Variants in SCAPER observed in about 807,000 individuals in gnomAD.
SCAPER encodes S phase cyclin A-associated protein in the endoplasmic reticulum.
In SCAPER, 98 loss-of-function variants were observed where a neutral mutation model predicts 182.2. The ratio of observed to expected loss-of-function variants is 0.54; its 90% confidence interval spans 0.46 to 0.64. The LOEUF is 0.64. Ranked by LOEUF, SCAPER falls within the 30% of genes least tolerant of loss-of-function variation. The probability of loss-of-function intolerance (pLI) is 0.00; values close to 1 mark genes in which losing one functional copy is unlikely to be tolerated. For missense variants in SCAPER, 1,432 were observed against 1,690.0 expected (o/e 0.85, Z 2.68); for synonymous variants, 605 against 564.6 (o/e 1.07, Z -1.01).
Position 76,593,068 on chromosome 15 carries a change from C to A in SCAPER, c.2712-18784G>T. 1.6e-5 allele frequency among the ~76,000 whole-genome samples: 2 copies of A among 121,242 alleles called. 1 individual carries two copies. Among genetic ancestry groups the A allele is most frequent in the Non-Finnish European group, 4.0e-5 (2 of 49,876 alleles). 79.5% of individuals were successfully genotyped at this position (121,242 alleles called of 152,430 possible). A position where few individuals can be genotyped will look rare whatever the true frequency, so the allele number is the denominator to read the frequency against. On this transcript the variant is annotated intron_variant, in intron 22 of 31. Coordinates refer to ENST00000563290, the MANE Select transcript of SCAPER (RefSeq NM_020843.4). ...ACAGAGGCCAGCAAGCTAATATCCA[C>A]TGGCTTGAAATTCTTGCTGCCAGCA...
At chr15:76,658,394 T>A (rs747520984) in intron 21 of SCAPER, among the ~76,000 whole-genome samples, 30 of 152,066 alleles carry the variant, frequency 2.0e-4, no homozygotes, top group Non-Finnish European at 3.5e-4. Flanking sequence ...TACAAAACAC[T>A]GCTCAAAGAA....
intron 23 of SCAPER, among the ~76,000 whole-genome samples, chr15:76,505,909 A>C (rs2041534564): frequency 6.6e-6 from 1 of 152,218 alleles, no homozygotes; most frequent in Non-Finnish European, 1.5e-5. Context: ...AGTACTATTC[A>C]GCCATAAAAA....
At chr15:76,441,278 C>T (rs570249124) in intron 25 of SCAPER, among the ~76,000 whole-genome samples, 29 of 152,196 alleles carry the variant, frequency 1.9e-4, no homozygotes, top group African/African-American at 6.7e-4. Context: ...GAAGACACTG[C>T]AATTAATCCT....
At chr15:76,692,145 T>C (rs1016419687) in intron 20 of SCAPER, among the ~76,000 whole-genome samples, 6 of 152,164 alleles carry the variant, frequency 3.9e-5, no homozygotes, top group Admixed American at 3.9e-4. Context: ...AAAATCAGCA[T>C]AGATACAGAA....
intron 17 of SCAPER, among the ~76,000 whole-genome samples, chr15:76,707,487 T>C (rs889120330): frequency 2.0e-5 from 3 of 152,086 alleles, no homozygotes; most frequent in African/African-American, 4.8e-5. Context: ...CAGAGACAAT[T>C]TGACATTAAT....
chr15:76,435,467 TTC>T (rs1366085990), intron 25 of SCAPER, among the ~76,000 whole-genome samples: 1 of 152,216 alleles, frequency 6.6e-6, no homozygotes, highest in Non-Finnish European at 1.5e-5. Context: ...TGATTCCTGA[TTC>T]TTTTTCCTTC....
chr15:76,377,148 T>C (rs1044178882), intron 28 of SCAPER, among the ~76,000 whole-genome samples: 3 of 152,190 alleles, frequency 2.0e-5, no homozygotes, highest in African/African-American at 7.2e-5. Context: ...TTTGAGGTCT[T>C]AGTGGGCTTG....
chr15:76,575,356 T>C (rs1463846378), intron 22 of SCAPER, among the ~76,000 whole-genome samples: 2 of 152,154 alleles, frequency 1.3e-5, no homozygotes, highest in African/African-American at 2.4e-5. Context: ...GCTTCATACA[T>C]TCCCCACTCT....
intron 5 of SCAPER, 38 bp from the exon 6 acceptor site, chr15:76,804,671 C>A: frequency 1.5e-6 from 2 of 1,363,834 alleles, no homozygotes; most frequent in Non-Finnish European, 2.0e-6. Flanking sequence ...AAATTCCAGT[C>A]TGAGACTAAA....
intron 26 of SCAPER, among the ~76,000 whole-genome samples, chr15:76,410,083 G>C (rs1161427912): frequency 6.6e-6 from 1 of 151,982 alleles, no homozygotes; most frequent in Non-Finnish European, 1.5e-5. Context: ...ATGAGCCATG[G>C]CATCCGGCCT....
chr15:76,407,406 C>T (rs183387632), intron 26 of SCAPER, among the ~76,000 whole-genome samples: 11 of 152,328 alleles, frequency 7.2e-5, no homozygotes, highest in African/African-American at 2.4e-4. Context: ...AGTCATTATG[C>T]AGTGCATTAC....
rs144906656 is a variant in SCAPER, at chr15:76,744,509, A to G, written c.1866+9299T>C. On this transcript the variant is annotated intron_variant, in intron 15 of 31. Coordinates refer to ENST00000563290, the MANE Select transcript of SCAPER (RefSeq NM_020843.4). ...ATTGACATTTCTCAAAAGACATACAAGTGTCCAACTAACATGAAAAAATTC... is the reference window on the plus strand; with the variant it reads ...ATTGACATTTCTCAAAAGACATACAGGTGTCCAACTAACATGAAAAAATTC... 1.5e-3 allele frequency among the ~76,000 whole-genome samples: 228 copies of G among 152,274 alleles called. 2 individuals carry two copies. Among genetic ancestry groups the G allele is most frequent in the African/African-American group, 5.3e-3 (222 of 41,580 alleles).
chr15:76,876,728 T>C (rs1555650577), intron 2 of SCAPER, among the ~76,000 whole-genome samples: 1 of 152,124 alleles, frequency 6.6e-6, no homozygotes, highest in Non-Finnish European at 1.5e-5. Flanking sequence ...TTTAAATTCT[T>C]AGCAAACTAC....
chr15:76,395,948 T>A (rs1567053984), intron 27 of SCAPER, among the ~76,000 whole-genome samples: 1 of 152,164 alleles, frequency 6.6e-6, no homozygotes, highest in Non-Finnish European at 1.5e-5. Flanking sequence ...GTTTCCCCAA[T>A]GTTTTCTTGT....
Position 76,471,297 on chromosome 15 carries a change from C to T in SCAPER, c.2993G>A (p.Cys998Tyr). The stretch of plus-strand genomic sequence containing the variant: ...ACTGCAGTTTTCTGAACAGTTATTG[C>T]AGGTGAGGTTGTAAACATTGATTGC... ...CNAINVYNLT[C>Y]NNCSENCSDV... Residue 998 changes from cysteine (C) to tyrosine (Y), a missense_variant, in exon 25 of 32, where the codon TGC becomes TAC. Physicochemically the swap from Cys to Tyr is radical, Grantham distance 194. Transcript: ENST00000563290. The T allele has an allele frequency of 6.2e-7, 1 of 1,611,526 alleles. No homozygotes were observed. Among genetic ancestry groups the T allele is most frequent in the East Asian group, 2.2e-5 (1 of 44,762 alleles).
At position 76,779,063 on chromosome 15, in the gene SCAPER, T is replaced by C. The variant is rs892545284; in HGVS notation, c.773-3946A>G. Among the ~76,000 whole-genome samples the C allele has an allele frequency of 5.9e-5, 9 of 152,210 alleles. No homozygotes were observed. The South Asian group carries it at 1.7e-3, about 28-fold the overall frequency. On this transcript the variant is annotated intron_variant, in intron 8 of 31. Transcript: ENST00000563290. ...ACATTATAGGATATAGGATATAGGA[T>C]ACATTCCTAAATGTACAAATACCAA... is the stretch of plus-strand genomic sequence containing the variant.
intron 5 of SCAPER, among the ~76,000 whole-genome samples, chr15:76,821,244 G>T (rs2067513777): frequency 6.6e-6 from 1 of 152,186 alleles, no homozygotes; most frequent in Non-Finnish European, 1.5e-5. Context: ...TTCAGTACAT[G>T]AATGAATAAA....
chr15:76,443,626 T>C (rs1276934309), intron 25 of SCAPER, among the ~76,000 whole-genome samples: 1 of 152,230 alleles, frequency 6.6e-6, no homozygotes, highest in East Asian at 1.9e-4. Flanking sequence ...TGATGATTAA[T>C]AGCAGAAACA....
intron 23 of SCAPER, among the ~76,000 whole-genome samples, chr15:76,509,528 TA>T (rs1406732089): frequency 4.6e-5 from 7 of 152,216 alleles, no homozygotes; most frequent in Non-Finnish European, 8.8e-5. Context: ...TTAAAATTTT[TA>T]CTCCATTATA....
Sources: allele counts gnomAD v4.1 joint callset (sites outside exome capture counted in the v4.1 genomes callset), GRCh38; gene constraint gnomAD v4.1.1; transcripts MANE v1.5; gene names NCBI Gene and HGNC (gene_info 2026-07-23, HGNC 2026-07-21).